Variants in ACYP2 observed in about 807,000 individuals in gnomAD.
ACYP2 encodes the protein acylphosphatase 2, also known as acylphosphatase-2.
In ACYP2, 12 loss-of-function variants were observed where a neutral mutation model predicts 11.2. That is an observed-to-expected ratio of 1.08 (90% confidence interval 0.69 to 1.74). ACYP2 has a LOEUF of 1.74. Among genes scored for constraint, ACYP2 ranks in the 40% most tolerant of loss-of-function variants. ACYP2 has a pLI of 0.00. For synonymous variants in ACYP2, 43 were observed against 32.2 expected, an observed-to-expected ratio of 1.33 and a Z score of -1.13; for missense variants, 134 against 101.9, an observed-to-expected ratio of 1.31 and a Z score of -1.35.
chr2:54,194,620 A>T (rs1684379929), intron 6 of ACYP2, among the ~76,000 whole-genome samples: 1 of 152,128 alleles, frequency 6.6e-6, no homozygotes. Flanking sequence ...AGTACCATCA[A>T]CATCAAAGAC....
chr2:53,979,418 A>G (rs1160750018), intron 2 of ACYP2, among the ~76,000 whole-genome samples: 1 of 152,034 alleles, frequency 6.6e-6, no homozygotes, highest in Non-Finnish European at 1.5e-5. Context: ...CAAGAGATCA[A>G]GAAATTGAGA....
At chr2:53,993,781 C>A (rs1223833249) in intron 2 of ACYP2, among the ~76,000 whole-genome samples, 2 of 151,972 alleles carry the variant, frequency 1.3e-5, no homozygotes, top group Non-Finnish European at 1.5e-5. Flanking sequence ...GCAACACCCT[C>A]AGTTGGGAGT....
intron 4 of ACYP2, among the ~76,000 whole-genome samples, chr2:54,074,016 CA>C (rs1677198512): frequency 1.3e-5 from 2 of 152,138 alleles, no homozygotes; most frequent in South Asian, 4.1e-4. Flanking sequence ...TATGACTCAG[CA>C]ATTCCACTGC....
At position 54,057,304 on chromosome 2, in the gene ACYP2, G is replaced by A. The variant is rs1363061; in HGVS notation, c.221G>A (p.Trp74Ter). 0.097 allele frequency: 38,758 copies of A among 397,870 alleles called. 2,258 individuals carry two copies. Among genetic ancestry groups the A allele is most frequent in the South Asian group, 0.19 (1,501 of 7,844 alleles). 24.6% of individuals were successfully genotyped at this position (397,870 alleles called of 1,614,324 possible). A position where few individuals can be genotyped will look rare whatever the true frequency, so the allele number is the denominator to read the frequency against. The change falls in exon 4 of 7, where the codon TGG (tryptophan) becomes TAG (stop). Residue 74 changes from tryptophan (W) to a stop codon, truncating the protein, a stop_gained. Coordinates refer to ENST00000607452, the MANE Select transcript of ACYP2 (RefSeq NM_001320586.2). LOFTEE classifies it high-confidence loss of function. ...GTCATAATTGTGAGTGAAGAACCAT[G>A]GAAGGAGAACATTTCTTGCTCATCA...
chr2:54,299,284 C>A (rs988115351), intron 6 of ACYP2, among the ~76,000 whole-genome samples: 18 of 152,222 alleles, frequency 1.2e-4, no homozygotes, highest in Admixed American at 9.2e-4. Flanking sequence ...CTCCCAGATG[C>A]AATGGTCACC....
At chr2:53,972,038 A>C (rs564614467) in intron 1 of ACYP2, among the ~76,000 whole-genome samples, 1 of 152,210 alleles carries the variant, frequency 6.6e-6, no homozygotes, top group South Asian at 2.1e-4. Context: ...GGCCGGGCGC[A>C]GTGGCTCACG....
intron 4 of ACYP2, among the ~76,000 whole-genome samples, chr2:54,097,211 C>G (rs1055753051): frequency 6.6e-6 from 1 of 152,228 alleles, no homozygotes; most frequent in Non-Finnish European, 1.5e-5. Context: ...CCTGGTCCTT[C>G]TTAACCCACT....
chr2:54,089,733 C>T lies in ACYP2; in HGVS notation c.277+32373C>T, dbSNP rs546865167. 4.6e-5 allele frequency among the ~76,000 whole-genome samples: 7 copies of T among 152,002 alleles called. No individual in the cohort carries two copies. The South Asian group carries it at 6.2e-4, about 14-fold the overall frequency. On this transcript the variant is annotated intron_variant, in intron 4 of 6. Transcript: ENST00000607452. The stretch of plus-strand genomic sequence containing the variant: ...CCAGCCTGGGCAACAGAGTGAGACG[C>T]GGTCCCAAAACCAAACAGCAATTAC...
intron 4 of ACYP2, among the ~76,000 whole-genome samples, chr2:54,121,455 T>C (rs1680153182): frequency 6.6e-6 from 1 of 152,220 alleles, no homozygotes; most frequent in Non-Finnish European, 1.5e-5. Flanking sequence ...TGTCCCTGTC[T>C]ACCGAGGAAT....
At chr2:54,289,160 A>C (rs939399658) in intron 6 of ACYP2, among the ~76,000 whole-genome samples, 1 of 152,030 alleles carries the variant, frequency 6.6e-6, no homozygotes, top group Non-Finnish European at 1.5e-5. Context: ...CACACCTTAA[A>C]GTCAGACAAC....
intron 6 of ACYP2, among the ~76,000 whole-genome samples, chr2:54,186,376 T>C (rs995187764): frequency 3.3e-5 from 5 of 152,240 alleles, no homozygotes; most frequent in Admixed American, 6.5e-5. Flanking sequence ...TTTGCAAGAC[T>C]AATTAACAGT....
chr2:54,272,895 C>G (rs371766411), intron 6 of ACYP2, among the ~76,000 whole-genome samples: 2 of 152,198 alleles, frequency 1.3e-5, no homozygotes, highest in Admixed American at 1.3e-4. Flanking sequence ...AAAAATCTCA[C>G]CATTTCACAT....
rs141359398 is a variant in ACYP2, at chr2:54,038,271, C to A, written c.63-12687C>A. Among the ~76,000 whole-genome samples, 389 of 152,308 alleles carry A rather than the reference C, an allele frequency of 2.6e-3. 2 individuals carry two copies. Among genetic ancestry groups the A allele is most frequent in the Non-Finnish European group, 3.9e-3 (268 of 68,026 alleles). On this transcript the variant is annotated intron_variant, in intron 2 of 6. Coordinates refer to ENST00000607452, the MANE Select transcript of ACYP2 (RefSeq NM_001320586.2). ...CATTCTCCAAGATTCACATTAAGTT[C>A]AGCTTCTCTGTGAAGGCTTCTTTCA... is the stretch of plus-strand genomic sequence containing the variant.
chr2:54,121,983 A>G (rs1440717382), intron 4 of ACYP2, among the ~76,000 whole-genome samples: 1 of 152,256 alleles, frequency 6.6e-6, no homozygotes, highest in Non-Finnish European at 1.5e-5. Context: ...ACTGTTTGAA[A>G]GATGCCGTGG....
chr2:54,156,087 G>A (rs1682417963), intron 6 of ACYP2, among the ~76,000 whole-genome samples: 1 of 152,106 alleles, frequency 6.6e-6, no homozygotes, highest in East Asian at 1.9e-4. Flanking sequence ...AAAGTTCCAT[G>A]TGCTCTTGAG....
intron 4 of ACYP2, among the ~76,000 whole-genome samples, chr2:54,133,255 A>G (rs115996224): frequency 6.6e-6 from 1 of 152,268 alleles, no homozygotes; most frequent in African/African-American, 2.4e-5. Context: ...GGCCTCTCTT[A>G]CTTAGCATAA....
chr2:54,165,535 TCA>T (rs1163844895), intron 6 of ACYP2, among the ~76,000 whole-genome samples: 6,423 of 128,754 alleles, frequency 0.05, 304 homozygotes, highest in East Asian at 0.19. Flanking sequence ...TCTCTCTCTC[TCA>T]CACACACACA....
chr2:54,091,813 A>G (rs1377081808), intron 4 of ACYP2, among the ~76,000 whole-genome samples: 1 of 152,006 alleles, frequency 6.6e-6, no homozygotes, highest in Non-Finnish European at 1.5e-5. Flanking sequence ...ACCCCAGCCA[A>G]CTCTCTTGAT....
chr2:54,282,164 T>C (rs903648237), intron 6 of ACYP2, among the ~76,000 whole-genome samples: 4 of 152,206 alleles, frequency 2.6e-5, no homozygotes, highest in Admixed American at 2.6e-4. Flanking sequence ...TTAAAATCTC[T>C]TATGAAATAA....
Sources: allele counts gnomAD v4.1 joint callset (sites outside exome capture counted in the v4.1 genomes callset), GRCh38; gene constraint gnomAD v4.1.1; transcripts MANE v1.5; gene names NCBI Gene and HGNC (gene_info 2026-07-23, HGNC 2026-07-21).